Variants in MAP4 observed in about 807,000 individuals in gnomAD.
MAP4 encodes the protein microtubule-associated protein 4.
Under a neutral mutation model 170.2 loss-of-function variants are expected in MAP4, and 76 were observed. That is an observed-to-expected ratio of 0.45 (90% CI 0.37 to 0.54). MAP4 has a LOEUF of 0.54. Ranked by LOEUF, MAP4 falls within the 20% of genes least tolerant of loss-of-function variation. The probability of loss-of-function intolerance (pLI) is 0.00; values close to 1 mark genes in which losing one functional copy is unlikely to be tolerated. For synonymous variants in MAP4, 909 were observed against 994.5 expected, an observed-to-expected ratio of 0.91 and a Z score of 1.62; for missense variants, 2,506 against 2,748.0, an observed-to-expected ratio of 0.91 and a Z score of 1.97.
chr3:47,918,953 G>T, intron 5 of MAP4, 112 bp from the exon 6 acceptor site: 1 of 873,360 alleles, frequency 1.1e-6, no homozygotes, highest in Non-Finnish European at 1.7e-6. Flanking sequence ...TTTTGAGACA[G>T]AGTTTCGCTC....
chr3:48,035,844 G>A (rs1467476219), intron 1 of MAP4, among the ~76,000 whole-genome samples: 1 of 152,060 alleles, frequency 6.6e-6, no homozygotes, highest in African/African-American at 2.4e-5. Flanking sequence ...GGAGGCTGAG[G>A]CATGAGAATT....
chr3:47,929,225 C>T (rs1360126347), intron 3 of MAP4, among the ~76,000 whole-genome samples: 1 of 152,080 alleles, frequency 6.6e-6, no homozygotes, highest in Admixed American at 6.5e-5. Flanking sequence ...CATGGTGATG[C>T]ATGCCTGTAA....
At chr3:47,898,802 G>GT (rs894316599) in intron 10 of MAP4, among the ~76,000 whole-genome samples, 44 of 152,060 alleles carry the variant, frequency 2.9e-4, no homozygotes, top group Admixed American at 8.5e-4. Flanking sequence ...AGAAAAAAAT[G>GT]TTTTTTAGCC....
chr3:47,874,195 C>A (rs999035924), intron 12 of MAP4, among the ~76,000 whole-genome samples: 3 of 152,280 alleles, frequency 2.0e-5, no homozygotes, highest in East Asian at 3.9e-4. Context: ...AGGACTGGCG[C>A]GGTGGCTCAT....
intron 12 of MAP4, among the ~76,000 whole-genome samples, chr3:47,872,372 A>G (rs1331804796): frequency 6.6e-6 from 1 of 152,090 alleles, no homozygotes; most frequent in African/African-American, 2.4e-5. Context: ...TTTAGTAGAG[A>G]CAGGGTTTCA....
chr3:48,059,999 C>A (rs1217099000), intron 1 of MAP4, among the ~76,000 whole-genome samples: 1 of 151,472 alleles, frequency 6.6e-6, no homozygotes, highest in Non-Finnish European at 1.5e-5. Flanking sequence ...TTTTGAACAT[C>A]TCTCTCTTAA....
Position 47,906,807 on chromosome 3 carries a change from C to CA in MAP4, c.5383+2230dup, listed in dbSNP as rs981230748. ...CAGGAAAAAAGATTAAAAAAAAAAACAAAAAAAAGAGGCCTCTTTCTTTAT... is the reference window on the plus strand; with the variant it reads ...CAGGAAAAAAGATTAAAAAAAAAAACAAAAAAAAAGAGGCCTCTTTCTTTAT... On this transcript the variant is annotated intron_variant, in intron 9 of 20. Transcript: ENST00000683076. Among the ~76,000 whole-genome samples the CA allele has an allele frequency of 7.8e-5, 11 of 141,454 alleles. No individual in the cohort carries two copies. In the South Asian group the frequency reaches 8.7e-4, roughly 11 times the overall value. The allele number at this position is 141,454 out of a possible 152,430, so 92.8% of individuals were successfully genotyped here.
chr3:47,980,289 C>G (rs1472255466), intron 2 of MAP4, among the ~76,000 whole-genome samples: 4 of 152,148 alleles, frequency 2.6e-5, no homozygotes, highest in African/African-American at 9.7e-5. Flanking sequence ...ACAACTTTTT[C>G]TGAAAGTCTC....
At chr3:47,856,453 GTTTT>G (rs1305780327) in intron 18 of MAP4, among the ~76,000 whole-genome samples, 1 of 147,364 alleles carries the variant, frequency 6.8e-6, no homozygotes, top group East Asian at 2.0e-4. Context: ...GGGAAAGGGA[GTTTT>G]TTTTTTTTCT....
intron 3 of MAP4, among the ~76,000 whole-genome samples, chr3:47,930,393 C>T (rs567177906): frequency 1.3e-4 from 20 of 148,594 alleles, no homozygotes; most frequent in Non-Finnish European, 2.4e-4. Context: ...TGCAGTGAGC[C>T]GAGATTGCGC....
chr3:47,950,238 T>C (rs1046874941), intron 3 of MAP4, among the ~76,000 whole-genome samples: 3 of 152,254 alleles, frequency 2.0e-5, no homozygotes, highest in Admixed American at 2.0e-4. Context: ...TACTAGTTAA[T>C]AATTCTTTAT....
chr3:48,045,592 A>G lies in MAP4; in HGVS notation c.-20+43181T>C, dbSNP rs1306546736. ...TTCCATGGAAAAACTGTCTTCCACTAAATCAGTGCTAAAAAGGTTGAGGAC... is the reference window on the plus strand; with the variant it reads ...TTCCATGGAAAAACTGTCTTCCACTGAATCAGTGCTAAAAAGGTTGAGGAC... On this transcript the variant is annotated intron_variant, in intron 1 of 18. Coordinates refer to the MAP4 transcript ENST00000360240. 5.3e-5 allele frequency among the ~76,000 whole-genome samples: 8 copies of G among 152,346 alleles called. No individual in the cohort carries two copies. In the East Asian group the frequency reaches 1.5e-3, roughly 29 times the overall value.
At chr3:47,992,706 C>A (rs2100093078) in intron 2 of MAP4, among the ~76,000 whole-genome samples, 1 of 151,996 alleles carries the variant, frequency 6.6e-6, no homozygotes, top group African/African-American at 2.4e-5. Context: ...AACTCATACT[C>A]CAGCCTGACC....
At chr3:48,058,026 A>T (rs1233068152) in intron 1 of MAP4, among the ~76,000 whole-genome samples, 1 of 152,242 alleles carries the variant, frequency 6.6e-6, no homozygotes, top group Non-Finnish European at 1.5e-5. Flanking sequence ...CCTAGAACAT[A>T]TTAGACAATA....
At chr3:48,031,427 T>C (rs2100116039) in intron 1 of MAP4, among the ~76,000 whole-genome samples, 1 of 152,156 alleles carries the variant, frequency 6.6e-6, no homozygotes, top group Non-Finnish European at 1.5e-5. Context: ...GGCACATGCC[T>C]GTAGTCCCAC....
At position 47,871,939 on chromosome 3, in the gene MAP4, C is replaced by T. The variant is rs553967485; in HGVS notation, c.5919G>A (p.Thr1973=). The T allele has an allele frequency of 6.8e-6, 11 of 1,612,566 alleles. No individual in the cohort carries two copies. Among genetic ancestry groups the T allele is most frequent in the East Asian group, 2.2e-5 (1 of 44,820 alleles). ...CACCAGTGGGCTTCTTGGGCAGGAGCGTGGAGGGGCTCCTACTGCTTGGGC... is the reference window on the plus strand; with the variant it reads ...CACCAGTGGGCTTCTTGGGCAGGAGTGTGGAGGGGCTCCTACTGCTTGGGC... The part of the protein sequence containing the change: ...STGPSSRSPS[T]LLPKKPTAIK... Residue 1973 remains threonine, a synonymous_variant, in exon 13 of 21, where the codon ACG becomes ACA. Coordinates refer to ENST00000683076, the MANE Select transcript of MAP4 (RefSeq NM_001385682.1).
chr3:48,069,670 AT>A (rs985899941), intron 1 of MAP4, among the ~76,000 whole-genome samples: 3 of 152,102 alleles, frequency 2.0e-5, no homozygotes, highest in African/African-American at 7.2e-5. Flanking sequence ...TCTTTCAAAC[AT>A]TTTTTTGTCC....
At chr3:48,025,903 A>AAATAAT (rs10645414) in intron 1 of MAP4, among the ~76,000 whole-genome samples, 42,473 of 140,054 alleles carry the variant, frequency 0.3, 6,696 homozygotes, top group East Asian at 0.44. Context: ...TCTGCCTCAA[A>AAATAAT]AATAATAATA....
intron 3 of MAP4, among the ~76,000 whole-genome samples, chr3:47,949,858 C>T (rs181534112): frequency 1.3e-5 from 2 of 149,050 alleles, no homozygotes; most frequent in African/African-American, 5.1e-5. Flanking sequence ...GGACACCCAG[C>T]GGTGCTCACC....
Sources: gnomAD v4.1 joint callset for allele counts (sites outside exome capture counted in the v4.1 genomes callset) on GRCh38, gnomAD v4.1.1 for gene constraint, MANE v1.5 for transcripts, NCBI Gene and HGNC (gene_info 2026-07-23, HGNC 2026-07-21) for gene names.